Variants in ARMH4 observed in about 807,000 individuals in gnomAD.
The protein encoded by ARMH4 is armadillo like helical domain containing 4, also known as armadillo-like helical domain-containing protein 4.
A neutral mutation model predicts 61.9 loss-of-function variants in ARMH4; 49 were observed. The ratio of observed to expected loss-of-function variants is 0.79; its 90% CI spans 0.63 to 1.00. ARMH4 has a LOEUF of 1.00. Among genes scored for constraint, ARMH4 ranks in the 50% least tolerant of loss-of-function variants. The pLI is 0.00. For missense variants in ARMH4, 934 were observed against 930.0 expected (o/e 1.00, Z -0.06); for synonymous variants, 368 against 341.5 (o/e 1.08, Z -0.85).
At chr14:58,099,185 T>A (rs1018952108) in intron 4 of ARMH4, among the ~76,000 whole-genome samples, 9 of 152,126 alleles carry the variant, frequency 5.9e-5, no homozygotes, top group African/African-American at 2.2e-4. Context: ...TAGGGAAGTT[T>A]CAAAGCTAGA....
intron 4 of ARMH4, among the ~76,000 whole-genome samples, chr14:58,100,428 T>C (rs901169721): frequency 6.6e-6 from 1 of 151,936 alleles, no homozygotes; most frequent in African/African-American, 2.4e-5. Context: ...GAGAGGTGAG[T>C]AGGCACAGAG....
At chr14:58,134,003 C>T (rs914679929) in intron 2 of ARMH4, among the ~76,000 whole-genome samples, 1 of 152,220 alleles carries the variant, frequency 6.6e-6, no homozygotes, top group African/African-American at 2.4e-5. Context: ...AAACAAATTA[C>T]TTCACATATG....
chr14:58,088,005 C>T (rs1002500596), intron 5 of ARMH4, among the ~76,000 whole-genome samples: 2 of 152,204 alleles, frequency 1.3e-5, no homozygotes, highest in African/African-American at 4.8e-5. Context: ...TTGTAGTTCA[C>T]AGTGCACATC....
chr14:58,029,123 G>A (rs7149087), intron 5 of ARMH4, among the ~76,000 whole-genome samples: 36,476 of 151,792 alleles, frequency 0.24, 4,783 homozygotes, highest in Non-Finnish European at 0.3. Context: ...CCAGCCCCTG[G>A]CAACCACCCA....
chr14:58,027,161 C>CTGATGACTGA (rs1174684658), intron 5 of ARMH4, among the ~76,000 whole-genome samples: 1 of 152,224 alleles, frequency 6.6e-6, no homozygotes, highest in Non-Finnish European at 1.5e-5. Context: ...TGGTTAAGAA[C>CTGATGACTGA]ACCTGAGCAC....
At chr14:58,010,985 T>C (rs992059485) in intron 6 of ARMH4, among the ~76,000 whole-genome samples, 6 of 152,056 alleles carry the variant, frequency 3.9e-5, no homozygotes, top group African/African-American at 7.2e-5. Flanking sequence ...ACACTACCAA[T>C]GTAAATATAT....
intron 5 of ARMH4, among the ~76,000 whole-genome samples, chr14:58,095,579 T>C (rs939314263): frequency 2.0e-5 from 3 of 152,212 alleles, no homozygotes; most frequent in African/African-American, 7.2e-5. Flanking sequence ...AAAGTAATCA[T>C]TGCCCAATGC....
At chr14:58,072,898 C>A (rs1884930411) in intron 5 of ARMH4, among the ~76,000 whole-genome samples, 1 of 152,136 alleles carries the variant, frequency 6.6e-6, no homozygotes, top group Non-Finnish European at 1.5e-5. Flanking sequence ...TTCTTACAGA[C>A]AGGTATCCCC....
At chr14:58,099,943 C>T (rs1885901035) in intron 4 of ARMH4, among the ~76,000 whole-genome samples, 1 of 152,180 alleles carries the variant, frequency 6.6e-6, no homozygotes, top group African/African-American at 2.4e-5. Context: ...CCTCACAAGG[C>T]TGTTGTAAGG....
At chr14:58,102,621 C>T (rs964018861) in intron 4 of ARMH4, among the ~76,000 whole-genome samples, 3 of 146,006 alleles carry the variant, frequency 2.1e-5, no homozygotes, top group African/African-American at 7.7e-5. Context: ...ACCATCCTGG[C>T]TAACAAGGTG....
chr14:58,139,506 G>A, intron 1 of ARMH4, 92 bp from the exon 2 acceptor site: 1 of 729,498 alleles, frequency 1.4e-6, no homozygotes, highest in Non-Finnish European at 2.2e-6. Flanking sequence ...TAATCTCCTT[G>A]ACTTTATAAT....
At chr14:58,073,608 T>A (rs1020072108) in intron 5 of ARMH4, among the ~76,000 whole-genome samples, 3 of 152,104 alleles carry the variant, frequency 2.0e-5, no homozygotes, top group East Asian at 1.9e-4. Context: ...GAAAAAAAAA[T>A]AGTCTTCTAA....
chr14:58,132,581 CTT>C (rs71448942), intron 3 of ARMH4, among the ~76,000 whole-genome samples: 10 of 86,014 alleles, frequency 1.2e-4, no homozygotes, highest in African/African-American at 2.1e-4. Context: ...ACCCTTGTCC[CTT>C]TTTTTTTTTT....
At chr14:58,045,612 A>AAT (rs1491298666) in intron 5 of ARMH4, among the ~76,000 whole-genome samples, 1 of 136,058 alleles carries the variant, frequency 7.3e-6, no homozygotes, top group African/African-American at 2.8e-5. Flanking sequence ...AAAGTATAAT[A>AAT]AAAAAAAAAA....
intron 1 of ARMH4, among the ~76,000 whole-genome samples, 165 bp downstream of exon 1, chr14:58,151,910 A>C (rs1403935173): frequency 3.3e-5 from 5 of 152,106 alleles, no homozygotes; most frequent in East Asian, 1.9e-4. Flanking sequence ...CGCGCTCCGG[A>C]GGAGGATCGG....
chr14:58,087,262 C>G (rs773355124), intron 5 of ARMH4, among the ~76,000 whole-genome samples: 2 of 152,162 alleles, frequency 1.3e-5, no homozygotes, highest in African/African-American at 2.4e-5. Flanking sequence ...TCCTACGTAA[C>G]CTACTACTTA....
chr14:58,014,918 G>C (rs1442182094), intron 5 of ARMH4, among the ~76,000 whole-genome samples: 1 of 152,156 alleles, frequency 6.6e-6, no homozygotes, highest in Non-Finnish European at 1.5e-5. Flanking sequence ...ACAATAAATA[G>C]GGCAAATCAA....
chr14:58,050,854 C>T (rs751691012), intron 5 of ARMH4, among the ~76,000 whole-genome samples: 1 of 152,100 alleles, frequency 6.6e-6, no homozygotes, highest in African/African-American at 2.4e-5. Context: ...CGACTCCTGG[C>T]AACCACCTGT....
intron 4 of ARMH4, among the ~76,000 whole-genome samples, chr14:58,124,102 A>T (rs899953122): frequency 6.6e-6 from 1 of 152,188 alleles, no homozygotes; most frequent in Non-Finnish European, 1.5e-5. Context: ...GGTTTCTGCC[A>T]AATATGGATA....
Sources: allele counts gnomAD v4.1 joint callset (sites outside exome capture counted in the v4.1 genomes callset), GRCh38; gene constraint gnomAD v4.1.1; transcripts MANE v1.5; gene names NCBI Gene and HGNC (gene_info 2026-07-23, HGNC 2026-07-21).